ITPK1: variants seen among roughly 807,000 people sequenced by gnomAD.
ITPK1 encodes inositol-tetrakisphosphate 1-kinase.
ITPK1 carries 21 observed loss-of-function variants against 45.3 expected under a neutral mutation model. That is an observed-to-expected ratio of 0.46 (90% CI 0.33 to 0.67). The LOEUF (loss-of-function observed/expected upper bound fraction) is 0.67. Ranked by LOEUF, ITPK1 falls within the 30% of genes least tolerant of loss-of-function variation. The pLI is 0.02. For missense variants in ITPK1, 474 were observed against 573.5 expected, an observed-to-expected ratio of 0.83 and a Z score of 1.77; for synonymous variants, 258 against 253.6, an observed-to-expected ratio of 1.02 and a Z score of -0.16.
At chr14:93,022,791 G>A (rs1381955638) in intron 3 of ITPK1, among the ~76,000 whole-genome samples, 1 of 152,062 alleles carries the variant, frequency 6.6e-6, no homozygotes, top group African/African-American at 2.4e-5. Flanking sequence ...CTCCCAAAGT[G>A]CTGGGATTAC....
chr14:92,978,344 G>A (rs1886051593), intron 5 of ITPK1, among the ~76,000 whole-genome samples: 1 of 151,946 alleles, frequency 6.6e-6, no homozygotes, highest in South Asian at 2.1e-4. Context: ...ATTTAAAAGG[G>A]AAGCAGAGCA....
intron 3 of ITPK1, among the ~76,000 whole-genome samples, chr14:93,065,351 G>A (rs555026627): frequency 1.8e-4 from 27 of 152,268 alleles, no homozygotes; most frequent in African/African-American, 6.0e-4. Context: ...TCAGACTCAC[G>A]CTTCCCTGGG....
At chr14:93,064,321 CA>C (rs1245668672) in intron 3 of ITPK1, among the ~76,000 whole-genome samples, 1 of 152,138 alleles carries the variant, frequency 6.6e-6, no homozygotes, top group African/African-American at 2.4e-5. Context: ...GATGGGGTCT[CA>C]CTATGTCGCC....
intron 2 of ITPK1, among the ~76,000 whole-genome samples, chr14:93,109,148 C>T (rs754213418): frequency 3.3e-5 from 5 of 152,212 alleles, no homozygotes; most frequent in South Asian, 2.1e-4. Flanking sequence ...CCAACACCAG[C>T]GGAAGAAACA....
Position 92,946,461 on chromosome 14 carries a change from CG to C in ITPK1, c.770del (p.Pro257ArgfsTer49). 2 of 1,612,862 alleles carry C rather than the reference CG, an allele frequency of 1.2e-6. No individual in the cohort carries two copies. The highest frequency in any genetic ancestry group is 1.7e-6 in the Non-Finnish European group (2 of 1,179,912). Reference sequence around the variant, plus strand: ...AGAGCTCCCGGATGACCTCGTCGCTCGGCCGCTCGAACACGCCCTCGATCTT... The same window carrying C: ...AGAGCTCCCGGATGACCTCGTCGCTCGCCGCTCGAACACGCCCTCGATCTT... The part of the protein sequence containing the change: ...LDKIEGVFER[P>X]SDEVIRELSR... On this transcript the variant is annotated frameshift_variant, in exon 10 of 11. Coordinates refer to ENST00000267615, the MANE Select transcript of ITPK1 (RefSeq NM_014216.6). LOFTEE classifies it high-confidence loss of function.
In ITPK1 at chr14:93,108,903, C is replaced by T. The variant is rs982123089; in HGVS notation, c.95+6166G>A. Among the ~76,000 whole-genome samples, 31 of 152,168 alleles carry T rather than the reference C, an allele frequency of 2.0e-4. 1 individual carries two copies. The highest frequency in any genetic ancestry group is 7.0e-4 in the African/African-American group (29 of 41,430). Reference sequence around the variant, plus strand: ...TGGTGCATGACTGTAGTTCCAGCTACTCGGGAGGCTAAGACAGGAGAATCA... The same window carrying T: ...TGGTGCATGACTGTAGTTCCAGCTATTCGGGAGGCTAAGACAGGAGAATCA... On this transcript the variant is annotated intron_variant, in intron 2 of 10. Coordinates refer to ENST00000267615, the MANE Select transcript of ITPK1 (RefSeq NM_014216.6).
rs1887161905 is a variant in ITPK1, at chr14:92,936,997, A to G, written c.*4564T>C. ...CCCTACAGTTACAGAAATAAACACA[A>G]CATTAACTGTACTCCACTAGACCGT... On this transcript the variant is annotated 3_prime_UTR_variant, in exon 11 of 11. Coordinates refer to ENST00000267615, the MANE Select transcript of ITPK1 (RefSeq NM_014216.6). The G allele has an allele frequency of 6.7e-6, 1 of 150,230 alleles. No individual in the cohort carries two copies. The highest frequency in any genetic ancestry group is 1.5e-5 in the Non-Finnish European group (1 of 68,038). 9.3% of individuals were successfully genotyped at this position (150,230 alleles called of 1,614,324 possible).
intron 3 of ITPK1, among the ~76,000 whole-genome samples, chr14:93,024,719 G>C (rs1324511423): frequency 6.6e-6 from 1 of 152,204 alleles, no homozygotes; most frequent in Non-Finnish European, 1.5e-5. Context: ...TTAGGAGGCA[G>C]AGGCCACTGT....
intron 2 of ITPK1, among the ~76,000 whole-genome samples, chr14:93,094,226 G>A (rs1399574467): frequency 6.6e-6 from 1 of 152,244 alleles, no homozygotes; most frequent in African/African-American, 2.4e-5. Flanking sequence ...GCAGGGGATT[G>A]GAGGACAGAC....
intron 3 of ITPK1, among the ~76,000 whole-genome samples, chr14:93,046,234 A>C (rs1351355059): frequency 6.6e-6 from 1 of 152,194 alleles, no homozygotes; most frequent in South Asian, 2.1e-4. Context: ...AGGCATGCAC[A>C]AACCCACTCA....
chr14:93,002,617 G>A lies in ITPK1; in HGVS notation c.247-8620C>T, dbSNP rs151196025. ...GCGAGGCCACCAGCCTGACAGTCCA[G>A]GGAGGCCGGGTGTGTTCCATTTGGG... On this transcript the variant is annotated intron_variant, in intron 4 of 10. Transcript: ENST00000267615. 3.7e-4 allele frequency among the ~76,000 whole-genome samples: 57 copies of A among 152,320 alleles called. No individual in the cohort carries two copies. In the East Asian group the frequency reaches 0.01, roughly 27 times the overall value.
At chr14:93,010,782 T>C (rs1347098941) in intron 4 of ITPK1, among the ~76,000 whole-genome samples, 1 of 152,170 alleles carries the variant, frequency 6.6e-6, no homozygotes, top group East Asian at 1.9e-4. Context: ...GGGCCTGTAC[T>C]GAGTGGCTCG....
chr14:93,048,630 T>C (rs1240452882), intron 3 of ITPK1, among the ~76,000 whole-genome samples: 1 of 152,034 alleles, frequency 6.6e-6, no homozygotes, highest in African/African-American at 2.4e-5. Flanking sequence ...CAGGGCGAAA[T>C]AGCCAACCCT....
intron 5 of ITPK1, among the ~76,000 whole-genome samples, chr14:92,967,967 G>C (rs1885462458): frequency 6.6e-6 from 1 of 152,214 alleles, no homozygotes; most frequent in Non-Finnish European, 1.5e-5. Flanking sequence ...AAATGTTCTA[G>C]AATTAGTAGT....
chr14:92,941,557 G>T lies in ITPK1; in HGVS notation c.*4C>A. 1 of 1,528,314 alleles carries T rather than the reference G, an allele frequency of 6.5e-7. No individual in the cohort carries two copies. Among genetic ancestry groups the T allele is most frequent in the Non-Finnish European group, 8.8e-7 (1 of 1,141,918 alleles). The allele number at this position is 1,528,314 out of a possible 1,614,324, so 94.7% of individuals were successfully genotyped here. ...CGCTGCCCCTCTGGGTCCCGGCTCC[G>T]TGGCTACTGGGAGGAGGCCTTGGTG... On this transcript the variant is annotated 3_prime_UTR_variant, in exon 11 of 11. Transcript: ENST00000267615.
chr14:92,953,710 G>A (rs1206549858), intron 8 of ITPK1, among the ~76,000 whole-genome samples: 1 of 152,222 alleles, frequency 6.6e-6, no homozygotes, highest in Non-Finnish European at 1.5e-5. Flanking sequence ...GTCTGCAGGA[G>A]CCGCAAGGAG....
At chr14:93,025,675 T>C (rs1351108152) in intron 3 of ITPK1, among the ~76,000 whole-genome samples, 1 of 152,268 alleles carries the variant, frequency 6.6e-6, no homozygotes, top group African/African-American at 2.4e-5. Flanking sequence ...CTTTCACCAA[T>C]ATCACAATGA....
At chr14:92,990,982 G>C (rs1425757360) in intron 5 of ITPK1, among the ~76,000 whole-genome samples, 3 of 151,840 alleles carry the variant, frequency 2.0e-5, no homozygotes, top group African/African-American at 7.3e-5. Flanking sequence ...CAGAGTCTCT[G>C]AAAACAGAGC....
chr14:93,038,766 A>T (rs1349961845), intron 3 of ITPK1, among the ~76,000 whole-genome samples: 1 of 152,142 alleles, frequency 6.6e-6, no homozygotes, highest in African/African-American at 2.4e-5. Context: ...ACCTCAAGTG[A>T]TCCACCCGTT....
Sources: gnomAD v4.1 joint callset for allele counts (sites outside exome capture counted in the v4.1 genomes callset) on GRCh38, gnomAD v4.1.1 for gene constraint, MANE v1.5 for transcripts, NCBI Gene and HGNC (gene_info 2026-07-23, HGNC 2026-07-21) for gene names.